The following LDLRAD3 variants were observed in gnomAD, a reference collection of about 807,000 sequenced individuals.
The protein encoded by LDLRAD3 is low density lipoprotein receptor class A domain containing 3.
In LDLRAD3, 20 loss-of-function variants were observed where a neutral mutation model predicts 29.4. The ratio of observed to expected loss-of-function variants is 0.68; its 90% CI spans 0.48 to 0.99. The LOEUF is 0.99. LDLRAD3 is among the 50% of genes least tolerant of loss of function. The pLI is 0.00. For missense variants in LDLRAD3, 420 were observed against 454.3 expected, an observed-to-expected ratio of 0.92 and a Z score of 0.69; for synonymous variants, 157 against 192.7, an observed-to-expected ratio of 0.81 and a Z score of 1.53.
chr11:36,182,072 T>G (rs904212065), intron 4 of LDLRAD3, among the ~76,000 whole-genome samples: 2 of 152,226 alleles, frequency 1.3e-5, no homozygotes, highest in African/African-American at 4.8e-5. Context: ...GCCTTGACAC[T>G]GATCTGAGCC....
chr11:36,217,857 T>C (rs1855373347), intron 4 of LDLRAD3, among the ~76,000 whole-genome samples: 2 of 152,224 alleles, frequency 1.3e-5, no homozygotes, highest in Non-Finnish European at 2.9e-5. Flanking sequence ...TGTTTCTGTG[T>C]CATCTCCTTC....
rs1174465338 is a variant in LDLRAD3 at position 36,213,658 on chromosome 11, C to T, written c.455-13427C>T. On this transcript the variant is annotated intron_variant, in intron 4 of 5. Coordinates refer to ENST00000315571, the MANE Select transcript of LDLRAD3 (RefSeq NM_174902.4). The surrounding 1 kb of genome is among the most constrained non-coding windows in gnomAD (Gnocchi z 4.1). ...TGGGACCCCCAGGGCCGCTCCCACC[C>T]TGGGAGTGCCATTGGGGTCAGGCCT... 6.6e-6 allele frequency among the ~76,000 whole-genome samples: 1 copy of T among 152,212 alleles called. No homozygotes were observed. The highest frequency in any genetic ancestry group is 2.4e-5 in the African/African-American group (1 of 41,464).
chr11:36,216,468 A>G (rs1424255774), intron 4 of LDLRAD3, among the ~76,000 whole-genome samples: 1 of 152,244 alleles, frequency 6.6e-6, no homozygotes, highest in Non-Finnish European at 1.5e-5. Flanking sequence ...GTCAAATGCT[A>G]CTTTGTGCCA....
chr11:35,979,908 T>C (rs2133155652), intron 1 of LDLRAD3, among the ~76,000 whole-genome samples: 1 of 152,298 alleles, frequency 6.6e-6, no homozygotes, highest in South Asian at 2.1e-4. Context: ...ATTGGCCAAT[T>C]GTTTATCAAT....
intron 1 of LDLRAD3, among the ~76,000 whole-genome samples, chr11:35,976,588 C>T (rs1851478998): frequency 6.6e-6 from 1 of 152,064 alleles, no homozygotes; most frequent in South Asian, 2.1e-4. Context: ...CATTTCCTCC[C>T]CTCCTGTGAC....
intron 1 of LDLRAD3, among the ~76,000 whole-genome samples, chr11:36,018,996 G>A (rs992824251): frequency 6.6e-6 from 1 of 152,022 alleles, no homozygotes; most frequent in African/African-American, 2.4e-5. Context: ...AAAAAATCTC[G>A]ATGGGCATTT....
chr11:35,990,852 CTT>C (rs1851680348), intron 1 of LDLRAD3, among the ~76,000 whole-genome samples: 1 of 152,176 alleles, frequency 6.6e-6, no homozygotes, highest in African/African-American at 2.4e-5. Context: ...TGCAAAGACT[CTT>C]TTTCCAATTG....
chr11:36,216,460 C>T (rs1004187500), intron 4 of LDLRAD3, among the ~76,000 whole-genome samples: 1 of 152,196 alleles, frequency 6.6e-6, no homozygotes, highest in Non-Finnish European at 1.5e-5. Flanking sequence ...AAAGTTTTGT[C>T]AAATGCTACT....
chr11:35,953,171 C>T (rs117240294), intron 1 of LDLRAD3, among the ~76,000 whole-genome samples: 1,568 of 152,264 alleles, frequency 0.01, 10 homozygotes, highest in Non-Finnish European at 0.014. Flanking sequence ...TGGGTGAATT[C>T]GCTGTTGCCC....
chr11:36,177,686 G>A (rs376947518), intron 4 of LDLRAD3, among the ~76,000 whole-genome samples: 1 of 152,156 alleles, frequency 6.6e-6, no homozygotes, highest in African/African-American at 2.4e-5. Context: ...CCATCTTCAC[G>A]TCTCTCAGCC....
chr11:35,957,353 A>G (rs539916687), intron 1 of LDLRAD3, among the ~76,000 whole-genome samples: 1 of 152,284 alleles, frequency 6.6e-6, no homozygotes, highest in African/African-American at 2.4e-5. Context: ...GGCTGTAAAA[A>G]TCATCTGACC....
At chr11:36,023,958 T>C (rs1362818188) in intron 1 of LDLRAD3, among the ~76,000 whole-genome samples, 2 of 152,240 alleles carry the variant, frequency 1.3e-5, no homozygotes, top group African/African-American at 2.4e-5. Context: ...GGCCATCATG[T>C]ATGAGAAGAC....
At chr11:35,967,735 A>G (rs1478285299) in intron 1 of LDLRAD3, 3 of 475,648 alleles carry the variant, frequency 6.3e-6, no homozygotes, top group African/African-American at 2.0e-5. Flanking sequence ...GTTCAAGGGA[A>G]ATCTGTAGAA....
intron 1 of LDLRAD3, among the ~76,000 whole-genome samples, chr11:35,995,774 C>T (rs1247197185): frequency 6.6e-6 from 1 of 152,224 alleles, no homozygotes; most frequent in Non-Finnish European, 1.5e-5. Context: ...GTATTTGCTG[C>T]TTCATCTTGT....
At chr11:36,197,372 T>TA (rs1855049734) in intron 4 of LDLRAD3, 1 of 151,250 alleles carries the variant, frequency 6.6e-6, no homozygotes, top group Non-Finnish European at 1.5e-5. Flanking sequence ...AAGTGCTGGG[T>TA]AAAAGGGCAG....
chr11:36,154,481 C>A (rs1565264068), intron 4 of LDLRAD3, among the ~76,000 whole-genome samples: 1 of 152,186 alleles, frequency 6.6e-6, no homozygotes, highest in Non-Finnish European at 1.5e-5. Flanking sequence ...CCTGTGGTCA[C>A]ATGAATTTGG....
At chr11:36,143,919 TCTCCCCCTCCCCCTCCCC>T (rs781597348) in intron 4 of LDLRAD3, among the ~76,000 whole-genome samples, 1 of 48,054 alleles carries the variant, frequency 2.1e-5, no homozygotes, top group South Asian at 7.4e-4. Context: ...TCCCTCTCCC[TCTCCCCCTCCCCCTCCCC>T]CTCCCCCTCC....
intron 4 of LDLRAD3, among the ~76,000 whole-genome samples, chr11:36,203,266 C>T (rs536930100): frequency 1.3e-5 from 2 of 152,316 alleles, no homozygotes; most frequent in South Asian, 4.1e-4. Context: ...CCGCGTCCAG[C>T]CCTGTGCTAC....
intron 4 of LDLRAD3, among the ~76,000 whole-genome samples, chr11:36,199,031 G>T (rs1855077266): frequency 6.6e-6 from 1 of 152,148 alleles, no homozygotes; most frequent in Admixed American, 6.5e-5. Flanking sequence ...CTCCCAAGTA[G>T]CTGGGACTAC....
Sources: allele counts gnomAD v4.1 joint callset (sites outside exome capture counted in the v4.1 genomes callset), GRCh38; gene constraint gnomAD v4.1.1; non-coding constraint Gnocchi (gnomAD v3.1); transcripts MANE v1.5; gene names NCBI Gene and HGNC (gene_info 2026-07-23, HGNC 2026-07-21).